Variants in DYNC1H1 observed in about 807,000 individuals in gnomAD.
DYNC1H1 encodes dynein cytoplasmic 1 heavy chain 1, also known as cytoplasmic dynein 1 heavy chain 1.
Under a neutral mutation model 527.1 loss-of-function variants are expected in DYNC1H1, and 51 were observed. That is an observed-to-expected ratio of 0.10 (90% CI 0.08 to 0.12). The LOEUF (loss-of-function observed/expected upper bound fraction) is 0.12, where lower values mean the gene tolerates loss of function less well. Among genes scored for constraint, DYNC1H1 ranks in the 10% least tolerant of loss-of-function variants. The pLI is 1.00. For synonymous variants in DYNC1H1, 2,189 were observed against 2,278.8 expected, an observed-to-expected ratio of 0.96 and a Z score of 1.12; for missense variants, 2,771 against 5,971.8, an observed-to-expected ratio of 0.46 and a Z score of 17.66.
chr14:101,995,401 GGAGATC>G lies in DYNC1H1; in HGVS notation c.3564+106_3564+111del. The G allele has an allele frequency of 8.4e-6, 12 of 1,427,714 alleles. No homozygotes were observed. The South Asian group carries it at 1.3e-4, about 15-fold the overall frequency. 88.4% of individuals were successfully genotyped at this position (1,427,714 alleles called of 1,614,324 possible). ...CCGAGGCGGGCGGATCACGAGGTCAGGAGATCGAGACCATCCTGGCTAACACGGTGA... is the reference window on the plus strand; with the variant it reads ...CCGAGGCGGGCGGATCACGAGGTCAGGAGACCATCCTGGCTAACACGGTGA... On this transcript the variant is annotated intron_variant, in intron 15 of 77. Coordinates refer to ENST00000360184, the MANE Select transcript of DYNC1H1 (RefSeq NM_001376.5).
rs374545772 is a variant in DYNC1H1 at position 102,044,749 on chromosome 14, T to A, written c.13006+51T>A. On this transcript the variant is annotated intron_variant, in intron 72 of 77. Coordinates refer to ENST00000360184, the MANE Select transcript of DYNC1H1 (RefSeq NM_001376.5). The surrounding 1 kb of genome is among the most constrained non-coding windows in gnomAD (Gnocchi z 7.1). ...CGCAGGGTGGGTGGCGAGGGTCCCC[T>A]CACGCGGGGTGGGTGGCGAGGGTCC... The A allele has an allele frequency of 2.1e-5, 29 of 1,358,060 alleles. No individual in the cohort carries two copies. Among genetic ancestry groups the A allele is most frequent in the Non-Finnish European group, 2.5e-5 (25 of 985,418 alleles). The allele number at this position is 1,358,060 out of a possible 1,614,324, so 84.1% of individuals were successfully genotyped here.
At position 102,033,983 on chromosome 14, in the gene DYNC1H1, G is replaced by A. The variant is rs2152592111; in HGVS notation, c.10421G>A (p.Arg3474Gln). Reference sequence around the variant, plus strand: ...GTTCGGTTTTCCTTTTAGGTAAACCGGAGCACTGCTCTTCTGAAGAGCTTG... The same window carrying A: ...GTTCGGTTTTCCTTTTAGGTAAACCAGAGCACTGCTCTTCTGAAGAGCTTG... ...DLAAVEAKVNRSTALLKSLSA... is the reference protein window; with the variant it reads ...DLAAVEAKVNQSTALLKSLSA... Residue 3474 changes from arginine to glutamine, a missense_variant, in exon 55 of 78, where the codon CGG becomes CAG. By Grantham distance (43) the Arg-to-Gln change is conservative. Coordinates refer to ENST00000360184, the MANE Select transcript of DYNC1H1 (RefSeq NM_001376.5). This position sits in a 1 kb window ranked among gnomAD's most constrained non-coding sequence, Gnocchi z 5.6. 6.2e-7 allele frequency: 1 copy of A among 1,613,876 alleles called. No individual in the cohort carries two copies.
intron 1 of DYNC1H1, among the ~76,000 whole-genome samples, chr14:101,971,892 C>T (rs1055986820): frequency 6.6e-6 from 1 of 152,084 alleles, no homozygotes; most frequent in Admixed American, 6.6e-5. Flanking sequence ...CAAAAGTTAA[C>T]CAAGGAAGTG....
chr14:101,976,682 A>G (rs1264651675), intron 2 of DYNC1H1, among the ~76,000 whole-genome samples: 7 of 152,196 alleles, frequency 4.6e-5, no homozygotes, highest in Non-Finnish European at 7.3e-5. Flanking sequence ...TTTAGTTGCC[A>G]TATCATGGCA....
At chr14:102,050,015 G>C (rs1179109918) in intron 76 of DYNC1H1, 56 bp from the exon 77 acceptor site, 12 of 1,614,046 alleles carry the variant, frequency 7.4e-6, no homozygotes, top group Non-Finnish European at 1.0e-5. Context: ...CCTGTGACTG[G>C]GGTTTGTGTA....
intron 2 of DYNC1H1, among the ~76,000 whole-genome samples, chr14:101,977,219 C>G (rs1298177161): frequency 7.2e-5 from 11 of 152,172 alleles, no homozygotes; most frequent in Admixed American, 7.2e-4. Flanking sequence ...ACCAGATTTT[C>G]CACTTTTCAG....
chr14:101,986,752 T>C lies in DYNC1H1; in HGVS notation c.2527T>C (p.Phe843Leu). The C allele has an allele frequency of 6.2e-7, 1 of 1,614,166 alleles. No homozygotes were observed. Among genetic ancestry groups the C allele is most frequent in the Non-Finnish European group, 8.5e-7 (1 of 1,180,040 alleles). The change falls in exon 8 of 78, where the codon TTC (phenylalanine) becomes CTC (leucine). Residue 843 changes from phenylalanine to leucine, a missense_variant. Transcript: ENST00000360184. This position sits in a 1 kb window ranked among gnomAD's most constrained non-coding sequence, Gnocchi z 8.7. ...GCGCTTAGCAGAGACTGTCTTCAAC[T>C]TCCAAGAAAAGGTATGCTCTCATGT... The part of the protein sequence containing the change: ...VQRLAETVFN[F>L]QEKVDDLLII...
In DYNC1H1 at chr14:102,033,908, AT is replaced by A; in HGVS notation, c.10414-65del. The A allele has an allele frequency of 6.4e-7, 1 of 1,563,628 alleles. No individual in the cohort carries two copies. The highest frequency in any genetic ancestry group is 1.1e-5 in the South Asian group (1 of 89,194). On this transcript the variant is annotated intron_variant, in intron 54 of 77. Transcript: ENST00000360184. This position sits in a 1 kb window ranked among gnomAD's most constrained non-coding sequence, Gnocchi z 5.6. ...CCCTGCACATAATGTGGATGAACCG[AT>A]TTGCAGGATTCGGTATAAATCCTGA...
chr14:101,970,509 G>T (rs1417710307), intron 1 of DYNC1H1, among the ~76,000 whole-genome samples: 3 of 114,834 alleles, frequency 2.6e-5, no homozygotes, highest in African/African-American at 1.2e-4. Flanking sequence ...TTGAGATGGC[G>T]TCTTGCTCTG....
At chr14:102,034,675 C>A (rs967527825) in intron 56 of DYNC1H1, 2 of 764,226 alleles carry the variant, frequency 2.6e-6, no homozygotes, top group South Asian at 1.7e-5. Flanking sequence ...CTTCTAAAAT[C>A]GATTGGCAGG....
chr14:101,965,089 G>A lies in DYNC1H1; in HGVS notation c.256+142G>A. The A allele has an allele frequency of 2.2e-6, 2 of 904,622 alleles. No individual in the cohort carries two copies. The highest frequency in any genetic ancestry group is 3.1e-6 in the Non-Finnish European group (2 of 646,800). The allele number at this position is 904,622 out of a possible 1,614,324, so 56.0% of individuals were successfully genotyped here. On this transcript the variant is annotated intron_variant, in intron 1 of 77. Transcript: ENST00000360184. The surrounding 1 kb of genome is among the most constrained non-coding windows in gnomAD (Gnocchi z 4.1). ...GACCCCTGGATGGGCAGAGCCCGGC[G>A]GCCGCAGACGTCCCGCCGGCCGGGT... is the stretch of plus-strand genomic sequence containing the variant.
In DYNC1H1 at chr14:102,038,193, G is replaced by C. The variant is rs2048599956; in HGVS notation, c.10909-267G>C. 2.1e-6 allele frequency: 1 copy of C among 475,128 alleles called. No homozygotes were observed. The highest frequency in any genetic ancestry group is 3.9e-6 in the Non-Finnish European group (1 of 256,722). 29.4% of individuals were successfully genotyped at this position (475,128 alleles called of 1,614,324 possible). On this transcript the variant is annotated intron_variant, in intron 57 of 77. Coordinates refer to ENST00000360184, the MANE Select transcript of DYNC1H1 (RefSeq NM_001376.5). This position sits in a 1 kb window ranked among gnomAD's most constrained non-coding sequence, Gnocchi z 7.2. ...GGAGTTTCACCATGTTGGCCAGTCTGGTCTCGAACTCCTGACCTCAAGTGA... is the reference window on the plus strand; with the variant it reads ...GGAGTTTCACCATGTTGGCCAGTCTCGTCTCGAACTCCTGACCTCAAGTGA...
intron 16 of DYNC1H1, among the ~76,000 whole-genome samples, chr14:101,998,880 T>TTTTTTTTTTG (rs1260375846): frequency 1.3e-4 from 11 of 84,126 alleles, no homozygotes; most frequent in African/African-American, 9.6e-4. Flanking sequence ...AAACTTTTTC[T>TTTTTTTTTTG]TTTTTTTTTT....
rs766369444 is a variant in DYNC1H1, at chr14:102,029,561, G to A, written c.9491G>A (p.Arg3164Gln). ...LHQANARLAKRGGRTMAITPR... is the reference protein window; with the variant it reads ...LHQANARLAKQGGRTMAITPR... ...AAGGCGAATGCTCGGCTAGCAAAGC[G>A]AGGCGGCAGAACGATGGCCATCACC... is the stretch of plus-strand genomic sequence containing the variant. The change falls in exon 49 of 78, where the codon CGA (arginine) becomes CAA (glutamine). Residue 3164 changes from arginine to glutamine, a missense_variant. Around this residue, in one of 32 missense-constraint regions of DYNC1H1, gnomAD observed 67 missense variants for 128.2 expected, o/e 0.52. Transcript: ENST00000360184. The surrounding 1 kb of genome is among the most constrained non-coding windows in gnomAD (Gnocchi z 5.3). 1.2e-6 allele frequency: 2 copies of A among 1,614,230 alleles called. No homozygotes were observed. Among genetic ancestry groups the A allele is most frequent in the South Asian group, 1.1e-5 (1 of 91,090 alleles).
chr14:102,034,290 T>C, intron 55 of DYNC1H1, 35 bp from the exon 56 acceptor site: 1 of 1,614,186 alleles, frequency 6.2e-7, no homozygotes, highest in Non-Finnish European at 8.5e-7. Context: ...TCTGTGGCTG[T>C]GAAGAGGAGG....
intron 16 of DYNC1H1, among the ~76,000 whole-genome samples, chr14:101,998,880 T>TTTTTTTTTTTTTTTTTTTTTTTG (rs2048096793): frequency 3.6e-5 from 3 of 84,096 alleles, no homozygotes; most frequent in African/African-American, 2.9e-4. Context: ...AAACTTTTTC[T>TTTTTTTTTTTTTTTTTTTTTTTG]TTTTTTTTTT....
chr14:102,043,723 C>T (rs969110286), intron 69 of DYNC1H1, 152 bp from the exon 70 acceptor site: 1 of 1,023,588 alleles, frequency 9.8e-7, no homozygotes, highest in Non-Finnish European at 1.5e-6. Context: ...AGTTGGCATA[C>T]TTTTCTCCTA....
intron 1 of DYNC1H1, among the ~76,000 whole-genome samples, chr14:101,969,956 G>A (rs575079014): frequency 7.2e-5 from 11 of 152,286 alleles, no homozygotes; most frequent in African/African-American, 2.2e-4. Flanking sequence ...TTAAGACCCA[G>A]TTGGGAAAAG....
chr14:101,966,753 C>T (rs1409773694), intron 1 of DYNC1H1, among the ~76,000 whole-genome samples: 1 of 151,952 alleles, frequency 6.6e-6, no homozygotes, highest in Non-Finnish European at 1.5e-5. Context: ...AAGTTTTATA[C>T]TTTGCTTCTA....
Sources: allele counts gnomAD v4.1 joint callset (sites outside exome capture counted in the v4.1 genomes callset), GRCh38; gene constraint gnomAD v4.1.1; regional missense constraint gnomAD v4.1.1; non-coding constraint Gnocchi (gnomAD v3.1); transcripts MANE v1.5; gene names NCBI Gene and HGNC (gene_info 2026-07-23, HGNC 2026-07-21).